The following EYS variants were observed in gnomAD, a reference collection of about 807,000 sequenced individuals.
The protein encoded by EYS is protein eyes shut homolog.
EYS carries 250 observed loss-of-function variants against 282.1 expected under a neutral mutation model. That is an observed-to-expected ratio of 0.89 (90% CI 0.80 to 0.98). The LOEUF (loss-of-function observed/expected upper bound fraction) is 0.98, where lower values mean the gene tolerates loss of function less well. Among genes scored for constraint, EYS ranks in the 50% least tolerant of loss-of-function variants. EYS has a pLI of 0.00. For missense variants in EYS, 4,016 were observed against 3,709.0 expected (o/e 1.08, Z -2.15); for synonymous variants, 1,355 against 1,282.9 (o/e 1.06, Z -1.20).
At chr6:64,160,611 T>C (rs777345380) in intron 31 of EYS, among the ~76,000 whole-genome samples, 1 of 152,226 alleles carries the variant, frequency 6.6e-6, no homozygotes, top group South Asian at 2.1e-4. Context: ...GCTGAATTCA[T>C]TGAAGTAGTT....
intron 33 of EYS, among the ~76,000 whole-genome samples, chr6:64,044,843 G>T (rs892084739): frequency 3.9e-5 from 6 of 152,076 alleles, no homozygotes; most frequent in Non-Finnish European, 1.5e-5. Flanking sequence ...AGGCAGAAGT[G>T]AATAGTTTAG....
At chr6:64,682,324 C>T (rs1769930927) in intron 22 of EYS, among the ~76,000 whole-genome samples, 2 of 151,958 alleles carry the variant, frequency 1.3e-5, no homozygotes, top group Admixed American at 6.6e-5. Context: ...GCCGAAATCG[C>T]GCCACTGTAC....
At chr6:64,517,523 TA>T (rs1270587965) in intron 26 of EYS, among the ~76,000 whole-genome samples, 1 of 151,724 alleles carries the variant, frequency 6.6e-6, no homozygotes, top group Non-Finnish European at 1.5e-5. Context: ...TTCCAGTTGG[TA>T]AAAAAGATTA....
At position 63,864,208 on chromosome 6, in the gene EYS, CCTCCCATATGG is replaced by C. The variant is rs1379019297; in HGVS notation, c.7195_7205del (p.Pro2399ValfsTer7). On this transcript the variant is annotated frameshift_variant, in exon 36 of 43. Transcript: ENST00000503581. LOFTEE classifies it high-confidence loss of function. ...TACCATCAGTGCAGAGGGGTCCAGA[CCTCCCATATGG>C]GCAGAGGCAGACAATATCTGTTCCG... is the stretch of plus-strand genomic sequence containing the variant. 1.3e-6 allele frequency: 2 copies of C among 1,543,370 alleles called. No homozygotes were observed. Among genetic ancestry groups the C allele is most frequent in the African/African-American group, 2.7e-5 (2 of 72,882 alleles).
At chr6:64,465,401 G>T (rs1775884707) in intron 26 of EYS, among the ~76,000 whole-genome samples, 1 of 152,022 alleles carries the variant, frequency 6.6e-6, no homozygotes. Context: ...CAATAGTACT[G>T]GCATAAAACA....
At chr6:64,458,790 C>T (rs1775646097) in intron 26 of EYS, among the ~76,000 whole-genome samples, 1 of 151,980 alleles carries the variant, frequency 6.6e-6, no homozygotes, top group South Asian at 2.1e-4. Context: ...TCCTCTGATC[C>T]CTATATTTTT....
chr6:65,416,497 T>C (rs1054747706), intron 5 of EYS, among the ~76,000 whole-genome samples: 4 of 152,020 alleles, frequency 2.6e-5, no homozygotes, highest in African/African-American at 9.6e-5. Context: ...ATTAAAATTA[T>C]CTAAGTAATT....
intron 41 of EYS, among the ~76,000 whole-genome samples, chr6:63,757,749 T>C (rs1769526461): frequency 6.6e-6 from 1 of 152,150 alleles, no homozygotes; most frequent in Non-Finnish European, 1.5e-5. Context: ...CGTTGAAATA[T>C]TGGGGGTGGG....
chr6:64,765,856 A>G (rs954095207), intron 22 of EYS, among the ~76,000 whole-genome samples: 3 of 152,038 alleles, frequency 2.0e-5, no homozygotes, highest in African/African-American at 7.2e-5. Flanking sequence ...ATACAACTTG[A>G]GATGAGATTC....
chr6:63,747,199 T>G (rs1456321150), intron 41 of EYS, among the ~76,000 whole-genome samples: 1 of 152,232 alleles, frequency 6.6e-6, no homozygotes. Context: ...TTAATTTCAT[T>G]ATTTACCCAG....
chr6:63,825,744 C>T (rs1771443216), intron 36 of EYS, among the ~76,000 whole-genome samples: 2 of 152,186 alleles, frequency 1.3e-5, no homozygotes. Flanking sequence ...ATCTGAACAA[C>T]AGCCTTCGGC....
intron 12 of EYS, among the ~76,000 whole-genome samples, chr6:65,280,415 T>C (rs1262010461): frequency 3.9e-5 from 6 of 152,154 alleles, no homozygotes; most frequent in Admixed American, 3.3e-4. Context: ...ATTTTCAAGA[T>C]ATAATAGCTA....
intron 15 of EYS, 115 bp downstream of exon 15, chr6:64,945,678 C>G (rs28653021): frequency 1.0e-6 from 1 of 985,640 alleles, no homozygotes. Context: ...CTCTTCATTG[C>G]TGGATGGTTA....
At chr6:64,314,941 G>T (rs1769884813) in intron 29 of EYS, among the ~76,000 whole-genome samples, 1 of 151,582 alleles carries the variant, frequency 6.6e-6, no homozygotes, top group African/African-American at 2.4e-5. Context: ...AACTGAAGGA[G>T]ATATAAACAT....
chr6:65,089,011 G>A (rs1273568657), intron 12 of EYS, among the ~76,000 whole-genome samples: 2 of 152,184 alleles, frequency 1.3e-5, no homozygotes, highest in Non-Finnish European at 2.9e-5. Context: ...AAGAACTGAG[G>A]TTTGGGAACC....
At chr6:65,509,617 T>C (rs1021533574) in intron 2 of EYS, among the ~76,000 whole-genome samples, 13 of 152,236 alleles carry the variant, frequency 8.5e-5, no homozygotes, top group African/African-American at 3.1e-4. Context: ...GAAAACTCTA[T>C]GCTAGGCATA....
At chr6:65,144,174 A>G (rs1380747058) in intron 12 of EYS, among the ~76,000 whole-genome samples, 1 of 152,104 alleles carries the variant, frequency 6.6e-6, no homozygotes, top group Non-Finnish European at 1.5e-5. Flanking sequence ...AAGAGAAGAG[A>G]CATATTTCAG....
intron 15 of EYS, among the ~76,000 whole-genome samples, chr6:64,918,981 T>C (rs1233000775): frequency 3.3e-5 from 5 of 152,154 alleles, no homozygotes; most frequent in Admixed American, 3.3e-4. Context: ...TCTGCTGAAA[T>C]ATAAATTTAT....
intron 24 of EYS, among the ~76,000 whole-genome samples, chr6:64,603,253 C>T (rs1270396310): frequency 2.0e-5 from 3 of 151,928 alleles, no homozygotes; most frequent in Admixed American, 1.3e-4. Flanking sequence ...CTCCTCTTCC[C>T]CCACTTCTAC....
Sources: gnomAD v4.1 joint callset for allele counts (sites outside exome capture counted in the v4.1 genomes callset) on GRCh38, gnomAD v4.1.1 for gene constraint, MANE v1.5 for transcripts, NCBI Gene and HGNC (gene_info 2026-07-23, HGNC 2026-07-21) for gene names.